Variants in RAB3C observed in about 807,000 individuals in gnomAD.
RAB3C encodes ras-related protein Rab-3C.
A neutral mutation model predicts 26.4 loss-of-function variants in RAB3C; 17 were observed. That is an observed-to-expected ratio of 0.64 (90% confidence interval 0.44 to 0.97). The LOEUF (loss-of-function observed/expected upper bound fraction) is 0.97. Among genes scored for constraint, RAB3C ranks in the 50% least tolerant of loss-of-function variants. The pLI is 0.00. For synonymous variants in RAB3C, 91 were observed against 95.9 expected, an observed-to-expected ratio of 0.95 and a Z score of 0.30; for missense variants, 242 against 281.9, an observed-to-expected ratio of 0.86 and a Z score of 1.01.
chr5:58,855,135 G>T lies in RAB3C; in HGVS notation c.*3784G>T, dbSNP rs1321798645. On this transcript the variant is annotated 3_prime_UTR_variant, in exon 5 of 5. Transcript: ENST00000282878. ...ACATGTATCTTAGTGCATGGTTGAG[G>T]ATGTACTATGTGATATTTTAGTTAA... is the stretch of plus-strand genomic sequence containing the variant. 1.3e-5 allele frequency: 2 copies of T among 152,114 alleles called. No individual in the cohort carries two copies. The highest frequency in any genetic ancestry group is 4.8e-5 in the African/African-American group (2 of 41,418). 9.4% of individuals were successfully genotyped at this position (152,114 alleles called of 1,614,324 possible). A position where few individuals can be genotyped will look rare whatever the true frequency, so the allele number is the denominator to read the frequency against.
chr5:58,735,351 G>A (rs1741110519), intron 3 of RAB3C, among the ~76,000 whole-genome samples: 1 of 152,196 alleles, frequency 6.6e-6, no homozygotes, highest in South Asian at 2.1e-4. Flanking sequence ...CATCATGGGT[G>A]TTGATTTTGA....
chr5:58,799,979 T>C (rs1217060578), intron 3 of RAB3C, among the ~76,000 whole-genome samples: 4 of 152,252 alleles, frequency 2.6e-5, no homozygotes, highest in Non-Finnish European at 4.4e-5. Context: ...CAGCTATTTA[T>C]GCAAACAATG....
intron 2 of RAB3C, among the ~76,000 whole-genome samples, chr5:58,682,683 C>CAAAAAGA (rs1260023002): frequency 2.0e-5 from 2 of 98,656 alleles, no homozygotes; most frequent in Non-Finnish European, 4.0e-5. Flanking sequence ...GACTCCGTCT[C>CAAAAAGA]AAAAAGAAAA....
intron 1 of RAB3C, among the ~76,000 whole-genome samples, chr5:58,613,973 C>A (rs2111714638): frequency 6.6e-6 from 1 of 152,170 alleles, no homozygotes; most frequent in African/African-American, 2.4e-5. Flanking sequence ...AAACATCTTG[C>A]TGCTCAGTGT....
intron 2 of RAB3C, among the ~76,000 whole-genome samples, chr5:58,694,752 A>T (rs1748660140): frequency 6.6e-6 from 1 of 152,106 alleles, no homozygotes; most frequent in African/African-American, 2.4e-5. Context: ...GTGTCTGTTC[A>T]TATCCTTTGC....
chr5:58,757,673 ATTATTGTATAAT>A (rs1741704421), intron 3 of RAB3C, among the ~76,000 whole-genome samples: 1 of 151,988 alleles, frequency 6.6e-6, no homozygotes, highest in Non-Finnish European at 1.5e-5. Flanking sequence ...CTACTAGGTA[ATTATTGTATAAT>A]TTTTTTCCCC....
intron 2 of RAB3C, among the ~76,000 whole-genome samples, chr5:58,641,960 C>T (rs1463066217): frequency 1.3e-5 from 2 of 152,186 alleles, no homozygotes; most frequent in African/African-American, 4.8e-5. Flanking sequence ...AGAGCACAGG[C>T]TCCTTGGGCA....
At chr5:58,775,845 G>C (rs1742120258) in intron 3 of RAB3C, among the ~76,000 whole-genome samples, 1 of 152,064 alleles carries the variant, frequency 6.6e-6, no homozygotes, top group Non-Finnish European at 1.5e-5. Context: ...AAATGCTGTG[G>C]ATATGCTGAT....
At chr5:58,595,730 T>A (rs1746232541) in intron 1 of RAB3C, among the ~76,000 whole-genome samples, 2 of 152,184 alleles carry the variant, frequency 1.3e-5, no homozygotes, top group African/African-American at 4.8e-5. Flanking sequence ...GTATTTCATT[T>A]TGTATTCCTA....
intron 3 of RAB3C, among the ~76,000 whole-genome samples, chr5:58,745,006 C>G (rs1169440629): frequency 6.6e-6 from 1 of 152,136 alleles, no homozygotes; most frequent in South Asian, 2.1e-4. Flanking sequence ...TGGCCTATCT[C>G]TCAGTCCTTG....
chr5:58,789,883 C>T (rs1337697873), intron 3 of RAB3C, among the ~76,000 whole-genome samples: 1 of 152,182 alleles, frequency 6.6e-6, no homozygotes. Context: ...GGCATTATTT[C>T]TCTATGTTGG....
intron 2 of RAB3C, among the ~76,000 whole-genome samples, chr5:58,697,350 G>T (rs1748736210): frequency 6.6e-6 from 1 of 152,146 alleles, no homozygotes; most frequent in Non-Finnish European, 1.5e-5. Flanking sequence ...CAATTATGTG[G>T]TCAATTTTAG....
At chr5:58,790,773 AATT>A (rs1742507594) in intron 3 of RAB3C, among the ~76,000 whole-genome samples, 1 of 152,154 alleles carries the variant, frequency 6.6e-6, no homozygotes, top group South Asian at 2.1e-4. Context: ...TTTCTATTAT[AATT>A]ATTTGATAAA....
At chr5:58,843,740 C>G (rs1337016764) in intron 4 of RAB3C, among the ~76,000 whole-genome samples, 1 of 152,060 alleles carries the variant, frequency 6.6e-6, no homozygotes, top group Non-Finnish European at 1.5e-5. Context: ...AGGGCAAAAC[C>G]AAAACGATAT....
chr5:58,670,510 G>C (rs1174647978), intron 2 of RAB3C, among the ~76,000 whole-genome samples: 1 of 152,066 alleles, frequency 6.6e-6, no homozygotes, highest in Admixed American at 6.6e-5. Context: ...TCTCTCTTAA[G>C]GACCTGCCAA....
At chr5:58,743,700 G>T (rs1355899939) in intron 3 of RAB3C, among the ~76,000 whole-genome samples, 1 of 152,050 alleles carries the variant, frequency 6.6e-6, no homozygotes, top group Non-Finnish European at 1.5e-5. Context: ...TGCTGAGAAT[G>T]ATAGTTTCTA....
chr5:58,828,828 G>A (rs975493224), intron 4 of RAB3C, among the ~76,000 whole-genome samples: 3 of 124,748 alleles, frequency 2.4e-5, no homozygotes, highest in Non-Finnish European at 5.2e-5. Flanking sequence ...TGGGAAGCGA[G>A]TGTTTGGAGA....
At chr5:58,838,975 C>A (rs1561148109) in intron 4 of RAB3C, among the ~76,000 whole-genome samples, 1 of 127,834 alleles carries the variant, frequency 7.8e-6, no homozygotes, top group African/African-American at 3.0e-5. Context: ...CTTTTTATAG[C>A]TTTTGACTTG....
intron 3 of RAB3C, among the ~76,000 whole-genome samples, chr5:58,776,677 A>G (rs145497681): frequency 1.5e-4 from 23 of 152,244 alleles, no homozygotes; most frequent in African/African-American, 4.8e-4. Context: ...GATAAACCAC[A>G]AATCTTAATG....
Sources: allele counts gnomAD v4.1 joint callset (sites outside exome capture counted in the v4.1 genomes callset), GRCh38; gene constraint gnomAD v4.1.1; transcripts MANE v1.5; gene names NCBI Gene and HGNC (gene_info 2026-07-23, HGNC 2026-07-21).